The following PACRG variants were observed in gnomAD, a reference collection of about 807,000 sequenced individuals.
PACRG encodes the protein parkin coregulated, also known as parkin coregulated gene protein.
A neutral mutation model predicts 29.7 loss-of-function variants in PACRG; 29 were observed. The observed-to-expected ratio is 0.98, with a 90% CI of 0.73 to 1.33. The LOEUF (loss-of-function observed/expected upper bound fraction) is 1.33, where lower values mean the gene tolerates loss of function less well. Among genes scored for constraint, PACRG ranks in the 40% most tolerant of loss-of-function variants. PACRG has a pLI of 0.00. For missense variants in PACRG, 279 were observed against 316.2 expected (o/e 0.88, Z 0.89); for synonymous variants, 116 against 118.7 (o/e 0.98, Z 0.15).
rs151264720 is a variant in PACRG, at chr6:163,117,903, T to C, written c.613+28495T>C. On this transcript the variant is annotated intron_variant, in intron 4 of 4. Transcript: ENST00000366888. ...TGATGTTCATGCTTGTTGTCTTACC[T>C]AATGTACAGGCAGAGAATTGACAAC... is the stretch of plus-strand genomic sequence containing the variant. 6.6e-4 allele frequency among the ~76,000 whole-genome samples: 101 copies of C among 152,310 alleles called. 1 individual carries two copies. The highest frequency in any genetic ancestry group is 2.1e-3 in the South Asian group (10 of 4,820).
intron 2 of PACRG, among the ~76,000 whole-genome samples, chr6:162,907,885 GACTTATGAC>G (rs1028493291): frequency 1.3e-5 from 2 of 152,018 alleles, no homozygotes; most frequent in Non-Finnish European, 2.9e-5. Context: ...TTAAGGACCA[GACTTATGAC>G]ACTTATGACA....
At chr6:163,219,914 G>T (rs1337837658) in intron 4 of PACRG, among the ~76,000 whole-genome samples, 1 of 152,174 alleles carries the variant, frequency 6.6e-6, no homozygotes, top group Non-Finnish European at 1.5e-5. Context: ...CTTCCCCAAA[G>T]AGGCCTCCCC....
chr6:163,155,179 A>T (rs1326789980), intron 4 of PACRG, among the ~76,000 whole-genome samples: 3 of 152,186 alleles, frequency 2.0e-5, no homozygotes, highest in Admixed American at 1.3e-4. Context: ...GCATCCAGTG[A>T]ATGCCCAAAC....
At chr6:162,800,448 A>T (rs903766267) in intron 1 of PACRG, among the ~76,000 whole-genome samples, 1 of 152,210 alleles carries the variant, frequency 6.6e-6, no homozygotes, top group Non-Finnish European at 1.5e-5. Context: ...TATTGCTTCC[A>T]AATGTGCCAC....
At chr6:162,990,427 A>G (rs1803348417) in intron 2 of PACRG, among the ~76,000 whole-genome samples, 1 of 149,872 alleles carries the variant, frequency 6.7e-6, no homozygotes, top group Non-Finnish European at 1.5e-5. Flanking sequence ...AATGATTGCC[A>G]TTCTAACTGG....
intron 4 of PACRG, among the ~76,000 whole-genome samples, chr6:163,283,777 C>T (rs571575644): frequency 1.1e-3 from 157 of 146,682 alleles, no homozygotes; most frequent in Non-Finnish European, 1.9e-3. Context: ...GTCCGCAGTC[C>T]GGCCTGGGCG....
chr6:163,267,156 G>A (rs1783559428), intron 4 of PACRG, among the ~76,000 whole-genome samples: 1 of 151,488 alleles, frequency 6.6e-6, no homozygotes, highest in African/African-American at 2.4e-5. Context: ...GGGAGAGGGG[G>A]TCTGCCACTC....
chr6:163,012,027 A>G (rs139290267), intron 2 of PACRG, among the ~76,000 whole-genome samples: 59 of 152,214 alleles, frequency 3.9e-4, no homozygotes, highest in African/African-American at 1.3e-3. Flanking sequence ...ACACTAACTG[A>G]GCTCCTGTCA....
chr6:162,801,352 G>A (rs899433650), intron 1 of PACRG, among the ~76,000 whole-genome samples: 13 of 151,928 alleles, frequency 8.6e-5, no homozygotes, highest in Admixed American at 3.9e-4. Flanking sequence ...CAGGTGATCC[G>A]CCCCCCTTGG....
chr6:163,122,192 A>AG (rs1354676877), intron 4 of PACRG, among the ~76,000 whole-genome samples: 19 of 152,152 alleles, frequency 1.2e-4, no homozygotes, highest in African/African-American at 4.1e-4. Flanking sequence ...TAATATCTTG[A>AG]GAAAAAAATA....
At chr6:162,912,737 A>G (rs1044109486) in intron 2 of PACRG, among the ~76,000 whole-genome samples, 1 of 151,566 alleles carries the variant, frequency 6.6e-6, no homozygotes, top group African/African-American at 2.4e-5. Flanking sequence ...ACATTCATCT[A>G]ATTTTTGTCT....
At chr6:162,957,324 A>C in intron 2 of PACRG, 1 of 583,628 alleles carries the variant, frequency 1.7e-6, no homozygotes, top group South Asian at 1.9e-5. Flanking sequence ...TGTCCTGAAC[A>C]CATTTAGCAC....
chr6:162,985,963 C>CAA (rs71546915), intron 2 of PACRG, among the ~76,000 whole-genome samples: 3 of 151,034 alleles, frequency 2.0e-5, no homozygotes, highest in Admixed American at 6.6e-5. Flanking sequence ...ACAATAGCTG[C>CAA]AAAAATAAAA....
chr6:162,883,240 A>G (rs1407559002), intron 2 of PACRG, among the ~76,000 whole-genome samples: 1 of 152,148 alleles, frequency 6.6e-6, no homozygotes, highest in Non-Finnish European at 1.5e-5. Flanking sequence ...TACTGATGTT[A>G]CGTAAACTGT....
chr6:162,914,610 A>AT (rs1311918700), intron 2 of PACRG, among the ~76,000 whole-genome samples: 1 of 150,692 alleles, frequency 6.6e-6, no homozygotes, highest in Non-Finnish European at 1.5e-5. Context: ...CAAAAAAAAA[A>AT]AAACCTGCTG....
At chr6:162,958,187 G>T (rs992946739) in intron 2 of PACRG, among the ~76,000 whole-genome samples, 6 of 152,172 alleles carry the variant, frequency 3.9e-5, no homozygotes, top group African/African-American at 1.4e-4. Flanking sequence ...AGCTTTGGAG[G>T]TAGTGCTTTG....
chr6:163,221,956 G>A (rs1463890529), intron 4 of PACRG, among the ~76,000 whole-genome samples: 1 of 152,170 alleles, frequency 6.6e-6, no homozygotes, highest in Non-Finnish European at 1.5e-5. Context: ...TCTGCTAGAA[G>A]GTATGAGAAT....
chr6:162,826,466 C>CT (rs576332156), intron 2 of PACRG, among the ~76,000 whole-genome samples: 12,237 of 138,642 alleles, frequency 0.088, 664 homozygotes, highest in East Asian at 0.29. Context: ...TTTCTTTTTT[C>CT]TTTTTTTTTT....
At chr6:163,248,787 G>A (rs1782789339) in intron 4 of PACRG, among the ~76,000 whole-genome samples, 1 of 152,120 alleles carries the variant, frequency 6.6e-6, no homozygotes. Flanking sequence ...GGCCAAGGCG[G>A]CCAGATCACG....
Sources: allele counts gnomAD v4.1 joint callset (sites outside exome capture counted in the v4.1 genomes callset), GRCh38; gene constraint gnomAD v4.1.1; transcripts MANE v1.5; gene names NCBI Gene and HGNC (gene_info 2026-07-23, HGNC 2026-07-21).